Variants in ZNF630 observed in about 807,000 individuals in gnomAD.
ZNF630 encodes zinc finger protein 630.
In ZNF630, 5 loss-of-function variants were observed where a neutral mutation model predicts 7.2. That is an observed-to-expected ratio of 0.70 (90% CI 0.36 to 1.46). The LOEUF is 1.46. Among genes scored for constraint, ZNF630 ranks in the 40% most tolerant of loss-of-function variants. The pLI, the probability that ZNF630 is intolerant of heterozygous loss-of-function variation, is 0.03. For synonymous variants in ZNF630, 158 were observed against 162.8 expected (o/e 0.97, Z 0.23); for missense variants, 461 against 477.0 (o/e 0.97, Z 0.31).
intron 1 of ZNF630, among the ~76,000 whole-genome samples, chrX:48,070,059 C>G (rs1212522152): frequency 3.7e-5 from 4 of 106,807 alleles, no homozygotes; most frequent in African/African-American, 1.4e-4. Context: ...GGGGTTTCAC[C>G]GTGTTAGCCA....
At position 48,060,059 on chromosome X, in the gene ZNF630, T is replaced by C; in HGVS notation, c.383A>G (p.Tyr128Cys). 1 of 1,205,177 alleles carries C rather than the reference T, an allele frequency of 8.3e-7. No homozygotes were observed. Among genetic ancestry groups the C allele is most frequent in the Non-Finnish European group, 1.1e-6 (1 of 891,308 alleles). Residue 128 changes from tyrosine to cysteine, a missense_variant, in exon 5 of 5, where the codon TAT (tyrosine) becomes TGT (cysteine). By Grantham distance (194) the Tyr-to-Cys change is radical. Transcript: ENST00000276054. ...IWHIDNQMDR[Y>C]QGNQDRVLRQ... ...CAAAACTCTGTCTTGATTTCCTTGATATCTATCCATCTGATTATCAATATG... is the reference window on the plus strand; with the variant it reads ...CAAAACTCTGTCTTGATTTCCTTGACATCTATCCATCTGATTATCAATATG...
At chrX:48,069,478 T>C (rs2059149143) in intron 1 of ZNF630, among the ~76,000 whole-genome samples, 1 of 110,971 alleles carries the variant, frequency 9.0e-6, no homozygotes, top group Non-Finnish European at 1.9e-5. Context: ...CTTCACCAGA[T>C]TTTGGTATTA....
chrX:48,060,591 A>G lies in ZNF630; in HGVS notation c.143-46T>C, dbSNP rs782429846. On this transcript the variant is annotated intron_variant, in intron 3 of 4. Transcript: ENST00000276054. ...TGGCTTTGGCCTTGGCAGCTCAGAA[A>G]TTCATGAAGAGAAGCACTTGCAGGG... is the stretch of plus-strand genomic sequence containing the variant. 8 of 1,103,275 alleles carry G rather than the reference A, an allele frequency of 7.3e-6. No individual in the cohort carries two copies. In the Admixed American group the frequency reaches 7.3e-5, roughly 10 times the overall value. 90.9% of individuals were successfully genotyped at this position (1,103,275 alleles called of 1,213,427 possible).
At chrX:48,068,188 AAGG>A (rs2059140740) in intron 1 of ZNF630, among the ~76,000 whole-genome samples, 2 of 89,800 alleles carry the variant, frequency 2.2e-5, no homozygotes, top group African/African-American at 8.6e-5. Flanking sequence ...GGAAGGAAGG[AAGG>A]AAGGAAGGAA....
At position 48,066,997 on chromosome X, in the gene ZNF630, T is replaced by A. The variant is rs910464566; in HGVS notation, c.-111A>T. On this transcript the variant is annotated 5_prime_UTR_variant, in exon 2 of 5. The change creates a new upstream start codon in the 5' untranslated region. Transcript: ENST00000276054. ...ACAGCTGGATGTGACAATGTGTTGC[T>A]TGTTAATTCATTGATGACTTGTGTT... 1.2e-6 allele frequency: 1 copy of A among 855,799 alleles called. No individual in the cohort carries two copies. The highest frequency in any genetic ancestry group is 1.7e-6 in the Non-Finnish European group (1 of 591,969). 70.5% of individuals were successfully genotyped at this position (855,799 alleles called of 1,213,427 possible). A position where few individuals can be genotyped will look rare whatever the true frequency, so the allele number is the denominator to read the frequency against.
intron 2 of ZNF630, among the ~76,000 whole-genome samples, chrX:48,063,697 G>T (rs1453188624): frequency 9.0e-6 from 1 of 110,619 alleles, no homozygotes; most frequent in African/African-American, 3.3e-5. Flanking sequence ...AGACCAGCCT[G>T]CCCAACATGG....
chrX:48,067,367 T>G (rs2059135611), intron 1 of ZNF630, among the ~76,000 whole-genome samples: 1 of 112,531 alleles, frequency 8.9e-6, no homozygotes, highest in African/African-American at 3.2e-5. Flanking sequence ...TAACCATTGA[T>G]TATCTGAAGA....
In ZNF630 at chrX:48,062,182, T is replaced by C. The variant is rs139761483; in HGVS notation, c.16-1237A>G. On this transcript the variant is annotated intron_variant, in intron 2 of 4. Transcript: ENST00000276054. ...GCAGGCATACTCAAATTGTCTGTGG[T>C]GTATGGTATATTTTGAAGGCAATTA... Among the ~76,000 whole-genome samples, 579 of 111,745 alleles carry C rather than the reference T, an allele frequency of 5.2e-3. 12 individuals carry two copies. The highest frequency in any genetic ancestry group is 0.018 in the African/African-American group (563 of 30,619).
chrX:48,059,835 G>A lies in ZNF630; in HGVS notation c.607C>T (p.Pro203Ser). 3.3e-6 allele frequency: 4 copies of A among 1,208,230 alleles called. No homozygotes were observed. Among genetic ancestry groups the A allele is most frequent in the Non-Finnish European group, 4.5e-6 (4 of 893,148 alleles). ...CTCCCACATCTAAATCTCTTAGTGG[G>A]GTTCTTTCTTGCATAGCTCCTGTTA... ...NYNRSYARKN[P>S]TKRFRCGRPP... The change falls in exon 5 of 5, where the codon CCC becomes TCC. Residue 203 changes from proline (P) to serine (S), a missense_variant. By Grantham distance (74) the Pro-to-Ser change is moderately conservative (BLOSUM62 -1). Coordinates refer to ENST00000276054, the MANE Select transcript of ZNF630 (RefSeq NM_001282201.2).
intron 1 of ZNF630, among the ~76,000 whole-genome samples, chrX:48,070,377 G>A (rs956776436): frequency 2.8e-5 from 3 of 107,839 alleles, no homozygotes; most frequent in East Asian, 3.0e-4. Flanking sequence ...TTGGGAGGCC[G>A]AGGTGGGTGT....
At chrX:48,067,657 C>G (rs2059136861) in intron 1 of ZNF630, among the ~76,000 whole-genome samples, 1 of 111,476 alleles carries the variant, frequency 9.0e-6, no homozygotes, top group Non-Finnish European at 1.9e-5. Context: ...AAAAAGCAGC[C>G]AGGCGTGGTG....
rs1306927020 is a variant in ZNF630, at chrX:48,058,391, G to A, written c.*77C>T. ...TATTAGTCTATTCTACAGTTGAGAA[G>A]TTGTCACTATTTCTATTCAATGTGA... On this transcript the variant is annotated 3_prime_UTR_variant, in exon 5 of 5. Coordinates refer to ENST00000276054, the MANE Select transcript of ZNF630 (RefSeq NM_001282201.2). 1 of 1,006,746 alleles carries A rather than the reference G, an allele frequency of 9.9e-7. No individual in the cohort carries two copies. Among genetic ancestry groups the A allele is most frequent in the African/African-American group, 1.9e-5 (1 of 52,180 alleles). 83.0% of individuals were successfully genotyped at this position (1,006,746 alleles called of 1,213,427 possible).
Position 48,059,423 on chromosome X carries a change from ACT to A in ZNF630, c.1017_1018del (p.Arg339SerfsTer9). 5.8e-6 allele frequency: 7 copies of A among 1,207,382 alleles called. No homozygotes were observed. The highest frequency in any genetic ancestry group is 1.8e-5 in the African/African-American group (1 of 57,136). ...CTCATAGGGTTTCTCTCCAGTATGG[ACT>A]CTCTGATGAACAGTGAAAGGTGACT... On this transcript the variant is annotated frameshift_variant, in exon 5 of 5. Transcript: ENST00000276054. LOFTEE classifies it low-confidence loss of function (END_TRUNC).
chrX:48,065,622 G>T (rs1556909978), intron 2 of ZNF630, among the ~76,000 whole-genome samples: 1 of 107,565 alleles, frequency 9.3e-6, no homozygotes, highest in Non-Finnish European at 1.9e-5. Flanking sequence ...GGCAGAGGTT[G>T]CAATGAGCGG....
chrX:48,066,935 G>A lies in ZNF630; in HGVS notation c.-49C>T. 8.5e-7 allele frequency: 1 copy of A among 1,175,708 alleles called. No individual in the cohort carries two copies. The highest frequency in any genetic ancestry group is 1.2e-6 in the Non-Finnish European group (1 of 867,030). ...GTTGGGGGCGGGGTGGGGTGCAGAA[G>A]AGTCTTCGGAGATCAAGCTGAGTTA... On this transcript the variant is annotated 5_prime_UTR_variant, in exon 2 of 5. Transcript: ENST00000276054.
At chrX:48,069,166 G>C (rs983170857) in intron 1 of ZNF630, among the ~76,000 whole-genome samples, 1 of 108,454 alleles carries the variant, frequency 9.2e-6, no homozygotes, top group East Asian at 2.9e-4. Flanking sequence ...ACTTGAATCC[G>C]GGAGGCGGAG....
At chrX:48,060,318 A>G in intron 4 of ZNF630, 115 bp from the exon 5 acceptor site, 1 of 978,182 alleles carries the variant, frequency 1.0e-6, no homozygotes, top group Non-Finnish European at 1.4e-6. Flanking sequence ...AGGTACTAGG[A>G]AGGTGGCTGT....
intron 2 of ZNF630, among the ~76,000 whole-genome samples, chrX:48,061,409 T>C (rs2059105012): frequency 8.9e-6 from 1 of 111,809 alleles, no homozygotes; most frequent in Admixed American, 9.5e-5. Flanking sequence ...GACTACTTTA[T>C]GTATTACATG....
Position 48,058,330 on chromosome X carries a change from A to C in ZNF630, c.*138T>G, listed in dbSNP as rs1485168352. 7 of 590,424 alleles carry C rather than the reference A, an allele frequency of 1.2e-5. No homozygotes were observed. Among genetic ancestry groups the C allele is most frequent in the Non-Finnish European group, 1.7e-5 (7 of 405,377 alleles). 48.7% of individuals were successfully genotyped at this position (590,424 alleles called of 1,213,427 possible). A position where few individuals can be genotyped will look rare whatever the true frequency, so the allele number is the denominator to read the frequency against. ...AATATTCTGAGGGCCTAAGCAGATC[A>C]TTCTGTGGAAGGGTAATCATGTATA... On this transcript the variant is annotated 3_prime_UTR_variant, in exon 5 of 5. Coordinates refer to ENST00000276054, the MANE Select transcript of ZNF630 (RefSeq NM_001282201.2).
Sources: gnomAD v4.1 joint callset for allele counts (sites outside exome capture counted in the v4.1 genomes callset) on GRCh38, gnomAD v4.1.1 for gene constraint, MANE v1.5 for transcripts, NCBI Gene and HGNC (gene_info 2026-07-23, HGNC 2026-07-21) for gene names.